CEP192: variants seen among roughly 807,000 people sequenced by gnomAD.
CEP192 encodes centrosomal protein of 192 kDa.
Under a neutral mutation model 271.8 loss-of-function variants are expected in CEP192, and 151 were observed. The ratio of observed to expected loss-of-function variants is 0.56; its 90% CI spans 0.49 to 0.64. The LOEUF (loss-of-function observed/expected upper bound fraction) is 0.64. CEP192 is among the 30% of genes least tolerant of loss of function. The probability of loss-of-function intolerance (pLI) is 0.00; values close to 1 mark genes in which losing one functional copy is unlikely to be tolerated. For synonymous variants in CEP192, 995 were observed against 1,076.5 expected (o/e 0.92, Z 1.48); for missense variants, 2,910 against 3,020.5 (o/e 0.96, Z 0.86).
chr18:13,055,090 C>T (rs1410608070), intron 18 of CEP192, among the ~76,000 whole-genome samples: 2 of 151,948 alleles, frequency 1.3e-5, no homozygotes, highest in South Asian at 2.1e-4. Flanking sequence ...CCAGCCTGGC[C>T]AACATGGTGA....
chr18:13,100,266 A>G (rs759602031), intron 37 of CEP192, 39 bp from the exon 38 acceptor site: 3 of 1,391,742 alleles, frequency 2.2e-6, no homozygotes, highest in Non-Finnish European at 3.1e-6. Flanking sequence ...AAAGTGATAG[A>G]TACGTTTGTA....
At position 13,018,572 on chromosome 18, in the gene CEP192, C is replaced by A. The variant is rs1395272640; in HGVS notation, c.882C>A (p.His294Gln). ...ACTCACACTCTTCTGAAACAACTCA[C>A]AAAGAGTCTGAGGAAAGCCAAGTTA... ...SLDSHSSETT[H>Q]KESEESQVIC... The change falls in exon 8 of 45, where the codon CAC (histidine) becomes CAA (glutamine). Residue 294 changes from histidine to glutamine, a missense_variant. Physicochemically the swap from His to Gln is conservative, Grantham distance 24. Transcript: ENST00000506447. 5 of 1,541,022 alleles carry A rather than the reference C, an allele frequency of 3.2e-6. No individual in the cohort carries two copies. In the South Asian group the frequency reaches 4.8e-5, roughly 15 times the overall value.
In CEP192 at chr18:13,069,783, C is replaced by T. The variant is rs6505780; in HGVS notation, c.5101C>T (p.Leu1701Phe). ...CTTTTCAGTGGATCCAAAGAATCTA[C>T]TCCTTAAACCTGGAGAAGAACATGA... ...SHFSVDPKNL[L>F]LKPGEEHEVI... Residue 1701 changes from leucine to phenylalanine, a missense_variant, in exon 27 of 45, where the codon CTC (leucine) becomes TTC (phenylalanine). Transcript: ENST00000506447. 1,019,930 of 1,591,712 alleles carry T rather than the reference C, an allele frequency of 0.64. 332,787 individuals carry two copies. Among genetic ancestry groups the T allele is most frequent in the African/African-American group, 0.89 (66,559 of 74,374 alleles).
At position 13,092,417 on chromosome 18, in the gene CEP192, T is replaced by C. The variant is rs1358333439; in HGVS notation, c.6144T>C (p.Phe2048=). 2.5e-6 allele frequency: 4 copies of C among 1,604,522 alleles called. No individual in the cohort carries two copies. Among genetic ancestry groups the C allele is most frequent in the Non-Finnish European group, 2.6e-6 (3 of 1,173,402 alleles). Residue 2048 remains phenylalanine, a synonymous_variant, in exon 34 of 45, where the codon TTT becomes TTC. Coordinates refer to ENST00000506447, the MANE Select transcript of CEP192 (RefSeq NM_032142.4). ...AACGACCTAATGATGTTCAGCTCTT[T>C]TATGGAAGCATGTGTAAAATTATAC... The part of the protein sequence containing the change: ...LPQRPNDVQL[F]YGSMCKIILS...
intron 11 of CEP192, among the ~76,000 whole-genome samples, chr18:13,035,738 C>T (rs915478547): frequency 1.3e-5 from 2 of 152,132 alleles, no homozygotes; most frequent in Admixed American, 6.5e-5. Context: ...GTCATAGATT[C>T]CACAATGAAT....
intron 30 of CEP192, among the ~76,000 whole-genome samples, chr18:13,076,930 C>T (rs1443113013): frequency 1.3e-5 from 2 of 152,204 alleles, no homozygotes; most frequent in Non-Finnish European, 2.9e-5. Context: ...ATTACAGGCA[C>T]CCGTCACCAC....
intron 39 of CEP192, among the ~76,000 whole-genome samples, chr18:13,104,500 T>C (rs1044532386): frequency 6.6e-6 from 1 of 152,126 alleles, no homozygotes; most frequent in Non-Finnish European, 1.5e-5. Flanking sequence ...AATTAAAAAC[T>C]ACTTGGGAGG....
At chr18:13,063,768 G>A (rs1380710298) in intron 21 of CEP192, among the ~76,000 whole-genome samples, 2 of 151,346 alleles carry the variant, frequency 1.3e-5, no homozygotes, top group Non-Finnish European at 2.9e-5. Context: ...TCGTTTGTGG[G>A]GTATTGCTCA....
chr18:13,083,694 G>T (rs1482383749), intron 30 of CEP192, among the ~76,000 whole-genome samples: 1 of 152,170 alleles, frequency 6.6e-6, no homozygotes, highest in African/African-American at 2.4e-5. Context: ...AGGAGAAGAG[G>T]TGCTCTGGTT....
In CEP192 at chr18:12,991,410, G is replaced by C. The variant is rs1414967402; in HGVS notation, c.-32G>C. 1.3e-5 allele frequency: 2 copies of C among 152,684 alleles called. No homozygotes were observed. The highest frequency in any genetic ancestry group is 2.1e-4 in the South Asian group (1 of 4,840). The allele number at this position is 152,684 out of a possible 1,614,324, so 9.5% of individuals were successfully genotyped here. A position where few individuals can be genotyped will look rare whatever the true frequency, so the allele number is the denominator to read the frequency against. ...TCCGTGGACTTTCCCGCTGCACACT[G>C]CCCTCCGAAGTCGGGGACGCGGGCT... is the stretch of plus-strand genomic sequence containing the variant. On this transcript the variant is annotated 5_prime_UTR_variant, in exon 1 of 45. Coordinates refer to ENST00000506447, the MANE Select transcript of CEP192 (RefSeq NM_032142.4).
In CEP192 at chr18:13,087,542, A is replaced by T; in HGVS notation, c.5889A>T (p.Leu1963Phe). Residue 1963 changes from leucine (L) to phenylalanine (F), a missense_variant, in exon 32 of 45, where the codon TTA becomes TTT. By Grantham distance (22) the Leu-to-Phe change is conservative (BLOSUM62 0). Transcript: ENST00000506447. ...TTTCTTGGCATCAGAATGTTACTTT[A>T]ATATATAATCCATCAGACAGAGGAA... ...LKERTQENVTLIYNPSDRGIN... is the reference protein window; with the variant it reads ...LKERTQENVTFIYNPSDRGIN... 1 of 1,446,570 alleles carries T rather than the reference A, an allele frequency of 6.9e-7. No homozygotes were observed. Among genetic ancestry groups the T allele is most frequent in the Non-Finnish European group, 9.5e-7 (1 of 1,054,620 alleles). 89.6% of individuals were successfully genotyped at this position (1,446,570 alleles called of 1,614,324 possible). A position where few individuals can be genotyped will look rare whatever the true frequency, so the allele number is the denominator to read the frequency against.
intron 3 of CEP192, among the ~76,000 whole-genome samples, chr18:13,005,316 A>T (rs1199420761): frequency 6.6e-6 from 1 of 152,174 alleles, no homozygotes; most frequent in Non-Finnish European, 1.5e-5. Context: ...TATAGAAGGC[A>T]CAGTAGAAGG....
At chr18:13,089,020 A>G in intron 32 of CEP192, 1 of 323,676 alleles carries the variant, frequency 3.1e-6, no homozygotes, top group Non-Finnish European at 6.2e-6. Flanking sequence ...TCTGAGTATT[A>G]TAGAGAAATC....
intron 9 of CEP192, 36 bp downstream of exon 9, chr18:13,019,242 A>G (rs768940114): frequency 2.7e-6 from 4 of 1,465,816 alleles, no homozygotes; most frequent in Admixed American, 5.8e-5. Context: ...TCCTATAAAA[A>G]AAGGAATAAG....
At chr18:13,095,730 C>A in intron 35 of CEP192, 49 bp downstream of exon 35, 9 of 1,518,452 alleles carry the variant, frequency 5.9e-6, no homozygotes, top group Non-Finnish European at 8.1e-6. Context: ...GGCGTCCGGG[C>A]CTGCACTCCC....
At chr18:13,031,988 G>A (rs1362503664) in intron 11 of CEP192, among the ~76,000 whole-genome samples, 1 of 152,156 alleles carries the variant, frequency 6.6e-6, no homozygotes, top group Non-Finnish European at 1.5e-5. Flanking sequence ...AAGGGAGAGT[G>A]GCCGGAGGCT....
chr18:13,087,006 A>T lies in CEP192; in HGVS notation c.5617-11A>T, dbSNP rs373463615. ...CATTAAAATAATTTTGGATATGTAT[A>T]TCTTTTTTAGATACCTTTGTCTGGA... On this transcript the variant is annotated splice_polypyrimidine_tract_variant and intron_variant, in intron 30 of 44. Transcript: ENST00000506447. 53 of 1,584,764 alleles carry T rather than the reference A, an allele frequency of 3.3e-5. No homozygotes were observed. In the African/African-American group the frequency reaches 6.9e-4, roughly 21 times the overall value.
intron 41 of CEP192, 137 bp downstream of exon 41, chr18:13,113,842 G>A (rs2145076459): frequency 1.1e-6 from 1 of 881,040 alleles, no homozygotes; most frequent in South Asian, 1.8e-5. Context: ...TTATTAATTG[G>A]CATGTTTGAG....
At chr18:13,073,380 CTATAAG>C (rs1401716531) in intron 30 of CEP192, among the ~76,000 whole-genome samples, 195 bp downstream of exon 30, 1 of 152,160 alleles carries the variant, frequency 6.6e-6, no homozygotes, top group Non-Finnish European at 1.5e-5. Context: ...CGTAGTATTC[CTATAAG>C]TATTAGTCTT....
Sources: gnomAD v4.1 joint callset for allele counts (sites outside exome capture counted in the v4.1 genomes callset) on GRCh38, gnomAD v4.1.1 for gene constraint, MANE v1.5 for transcripts, NCBI Gene and HGNC (gene_info 2026-07-23, HGNC 2026-07-21) for gene names.